Variants in ATP10B observed in about 807,000 individuals in gnomAD.
The protein encoded by ATP10B is phospholipid-transporting ATPase VB.
ATP10B carries 122 observed loss-of-function variants against 141.2 expected under a neutral mutation model. That is an observed-to-expected ratio of 0.86 (90% CI 0.75 to 1.00). The LOEUF is 1.00. Among genes scored for constraint, ATP10B ranks in the 50% least tolerant of loss-of-function variants. The pLI is 0.00. For missense variants in ATP10B, 1,876 were observed against 1,825.3 expected, an observed-to-expected ratio of 1.03 and a Z score of -0.51; for synonymous variants, 685 against 692.0, an observed-to-expected ratio of 0.99 and a Z score of 0.16.
At chr5:160,835,589 G>C (rs567988408) in intron 1 of ATP10B, among the ~76,000 whole-genome samples, 1 of 152,074 alleles carries the variant, frequency 6.6e-6, no homozygotes, top group Non-Finnish European at 1.5e-5. Flanking sequence ...GGCAAGCTTG[G>C]GGCACACACA....
In ATP10B at chr5:160,808,486, C is replaced by G. The variant is rs1772936741; in HGVS notation, c.-575-22683G>C. ...TGTTCTGTTTTTGCTAATCATTTAT[C>G]CTTCAAAAGGCTGAAGAATCTATAT... On this transcript the variant is annotated intron_variant, in intron 1 of 25. Transcript: ENST00000327245. Among the ~76,000 whole-genome samples the G allele has an allele frequency of 2.0e-5, 3 of 152,120 alleles. No homozygotes were observed. In the South Asian group the frequency reaches 6.2e-4, roughly 32 times the overall value.
In ATP10B at chr5:160,569,545, T is replaced by C; in HGVS notation, c.3889A>G (p.Thr1297Ala). Residue 1297 changes from threonine to alanine, a missense_variant, in exon 25 of 26, where the codon ACT (threonine) becomes GCT (alanine). Coordinates refer to ENST00000327245, the MANE Select transcript of ATP10B (RefSeq NM_025153.3). ...GTGAGAAAGCAGACGAGGTAGAAAG[T>C]GGGGTTTGAGAGCTGGCCTTCCATC... ...WVMEGQLSNP[T>A]FYLVCFLTPV... The C allele has an allele frequency of 1.9e-6, 3 of 1,613,748 alleles. No homozygotes were observed. Among genetic ancestry groups the C allele is most frequent in the South Asian group, 1.1e-5 (1 of 91,066 alleles).
chr5:160,807,665 T>C (rs1772871695), intron 1 of ATP10B, among the ~76,000 whole-genome samples: 1 of 152,188 alleles, frequency 6.6e-6, no homozygotes, highest in Non-Finnish European at 1.5e-5. Context: ...TAAATAGCAT[T>C]AGGATAACTG....
chr5:160,912,302 T>G, the ATP10B span, among the ~76,000 whole-genome samples: 2 of 150,928 alleles, frequency 1.3e-5, no homozygotes, highest in African/African-American at 4.9e-5. Flanking sequence ...TTCAGCCTGG[T>G]GCAGTGGCTC....
At chr5:160,648,718 A>C (rs1760471791) in intron 8 of ATP10B, among the ~76,000 whole-genome samples, 1 of 152,166 alleles carries the variant, frequency 6.6e-6, no homozygotes. Context: ...ATGGATGTGG[A>C]AACAGGCTCA....
chr5:160,899,849 G>A, the ATP10B span, among the ~76,000 whole-genome samples: 2 of 152,044 alleles, frequency 1.3e-5, no homozygotes, highest in African/African-American at 4.8e-5. Flanking sequence ...TTCTGGAATG[G>A]GACACTCTTG....
At chr5:160,820,553 T>C (rs1174108956) in intron 1 of ATP10B, among the ~76,000 whole-genome samples, 1 of 152,156 alleles carries the variant, frequency 6.6e-6, no homozygotes, top group East Asian at 1.9e-4. Flanking sequence ...AAGCCAGTAT[T>C]ACTCTGATAC....
At chr5:160,739,213 G>T (rs1023410637) in intron 2 of ATP10B, among the ~76,000 whole-genome samples, 1 of 152,260 alleles carries the variant, frequency 6.6e-6, no homozygotes. Flanking sequence ...TATCTACACA[G>T]AACTTTATAT....
the ATP10B span, among the ~76,000 whole-genome samples, chr5:160,876,808 A>G: frequency 6.6e-6 from 1 of 150,744 alleles, no homozygotes; most frequent in Non-Finnish European, 1.5e-5. Context: ...ATTCCTGGAC[A>G]CATACACTCT....
intron 2 of ATP10B, among the ~76,000 whole-genome samples, chr5:160,766,416 A>G (rs978535604): frequency 6.6e-6 from 1 of 150,470 alleles, no homozygotes; most frequent in Admixed American, 6.6e-5. Context: ...CTCAGCCATA[A>G]AAAGGAATGA....
chr5:160,922,445 G>A, the ATP10B span, among the ~76,000 whole-genome samples: 2 of 152,204 alleles, frequency 1.3e-5, no homozygotes, highest in Non-Finnish European at 2.9e-5. Flanking sequence ...TCACTGAAAA[G>A]GAAGTAAAGA....
At chr5:160,783,862 G>T (rs948710017) in intron 2 of ATP10B, among the ~76,000 whole-genome samples, 1 of 151,966 alleles carries the variant, frequency 6.6e-6, no homozygotes, top group Non-Finnish European at 1.5e-5. Flanking sequence ...CAGTGTAGAA[G>T]TGTTCCCTGT....
chr5:160,812,880 A>T (rs1438404877), intron 1 of ATP10B, among the ~76,000 whole-genome samples: 1 of 152,254 alleles, frequency 6.6e-6, no homozygotes, highest in African/African-American at 2.4e-5. Flanking sequence ...CTAAGGAAAC[A>T]TATTAATATT....
chr5:160,815,050 A>G (rs1022428166), intron 1 of ATP10B, among the ~76,000 whole-genome samples: 30 of 152,230 alleles, frequency 2.0e-4, no homozygotes, highest in Non-Finnish European at 3.8e-4. Flanking sequence ...TGTAAAGACC[A>G]TCGAGGCTAG....
At chr5:160,707,308 T>C (rs2127767270) in intron 3 of ATP10B, among the ~76,000 whole-genome samples, 1 of 152,318 alleles carries the variant, frequency 6.6e-6, no homozygotes, top group African/African-American at 2.4e-5. Flanking sequence ...TCACACTTCT[T>C]CTGACTCTTC....
At chr5:160,657,801 ACTTCTGGGTCC>A (rs1300953593) in intron 7 of ATP10B, among the ~76,000 whole-genome samples, 6 of 152,168 alleles carry the variant, frequency 3.9e-5, no homozygotes, top group African/African-American at 1.4e-4. Context: ...TCTCTTGTTT[ACTTCTGGGTCC>A]CCAGAGCATG....
rs781520034 is a variant in ATP10B, at chr5:160,686,246, C to A, written c.303G>T (p.Leu101=). 6.2e-7 allele frequency: 1 copy of A among 1,602,926 alleles called. No individual in the cohort carries two copies. Among genetic ancestry groups the A allele is most frequent in the East Asian group, 2.2e-5 (1 of 44,604 alleles). The change falls in exon 6 of 26, where the codon CTG becomes CTT. Residue 101 remains leucine, a synonymous_variant. Transcript: ENST00000327245. ...TGGAGGGCATCCAGTTCAAAATCAC[C>A]AGGAACAGGAAATAGAGGTTAGCCC... ...HRWANLYFLF[L]VILNWMPSME...
At chr5:160,632,612 C>T (rs1052579702) in intron 12 of ATP10B, 8 of 254,204 alleles carry the variant, frequency 3.1e-5, no homozygotes, top group Admixed American at 5.9e-5. Flanking sequence ...CACTTTATTT[C>T]CTCAGAGGTT....
intron 1 of ATP10B, among the ~76,000 whole-genome samples, chr5:160,802,507 A>G (rs934721799): frequency 1.5e-4 from 23 of 152,196 alleles, no homozygotes. Context: ...CGATATTGTT[A>G]AACATCTATG....
Sources: allele counts gnomAD v4.1 joint callset (sites outside exome capture counted in the v4.1 genomes callset), GRCh38; gene constraint gnomAD v4.1.1; transcripts MANE v1.5; gene names NCBI Gene and HGNC (gene_info 2026-07-23, HGNC 2026-07-21).